Variants in PREP observed in about 807,000 individuals in gnomAD.
PREP encodes dJ355L5.1 (prolyl endopeptidase).
In PREP, 29 loss-of-function variants were observed where a neutral mutation model predicts 87.6. The observed-to-expected ratio is 0.33, with a 90% CI of 0.25 to 0.45. The LOEUF (loss-of-function observed/expected upper bound fraction) is 0.45. Ranked by LOEUF, PREP falls within the 20% of genes least tolerant of loss-of-function variation. PREP has a pLI of 1.00. For synonymous variants in PREP, 337 were observed against 328.6 expected, an observed-to-expected ratio of 1.03 and a Z score of -0.28; for missense variants, 695 against 886.5, an observed-to-expected ratio of 0.78 and a Z score of 2.74.
intron 10 of PREP, among the ~76,000 whole-genome samples, chr6:105,300,823 G>C (rs888743549): frequency 2.0e-5 from 3 of 151,106 alleles, no homozygotes; most frequent in African/African-American, 7.3e-5. Flanking sequence ...ATGTAAATCT[G>C]ATTTCAAAAA....
intron 9 of PREP, among the ~76,000 whole-genome samples, chr6:105,326,083 G>T (rs1331585225): frequency 6.6e-6 from 1 of 152,190 alleles, no homozygotes; most frequent in South Asian, 2.1e-4. Context: ...AACCCATGGA[G>T]ATTTTGTTTT....
intron 6 of PREP, among the ~76,000 whole-genome samples, chr6:105,355,205 C>T (rs1229297353): frequency 6.6e-6 from 1 of 151,478 alleles, no homozygotes; most frequent in Non-Finnish European, 1.5e-5. Flanking sequence ...CCTGCCTCAG[C>T]CTCCCGAGTA....
chr6:105,353,548 GAT>G (rs1199446055), intron 6 of PREP, among the ~76,000 whole-genome samples: 5 of 151,978 alleles, frequency 3.3e-5, no homozygotes, highest in Non-Finnish European at 5.9e-5. Context: ...AGTGGGGGTG[GAT>G]CACCTGAGGT....
chr6:105,353,027 A>G lies in PREP; in HGVS notation c.768T>C (p.Asp256=), dbSNP rs767877673. 1.2e-6 allele frequency: 2 copies of G among 1,614,106 alleles called. No individual in the cohort carries two copies. The highest frequency in any genetic ancestry group is 1.7e-6 in the Non-Finnish European group (2 of 1,179,982). Residue 256 remains aspartate (D), a synonymous_variant, in exon 7 of 15, where the codon GAT becomes GAC. Coordinates refer to ENST00000652536, the MANE Select transcript of PREP (RefSeq NM_002726.5). ...YVLLSIREGC[D]PVNRLWYCDL... is the part of the protein sequence containing the mutation. ...CACAGTACCAGAGTCGGTTTACTGG[A>G]TCACATCCTTCCCTTATTGATAACA...
chr6:105,388,131 G>A (rs1283323582), intron 2 of PREP, among the ~76,000 whole-genome samples: 2 of 152,140 alleles, frequency 1.3e-5, no homozygotes, highest in Non-Finnish European at 2.9e-5. Context: ...TAGCTGTGCT[G>A]CCACTACAGA....
At chr6:105,370,168 C>G (rs570754464) in intron 5 of PREP, among the ~76,000 whole-genome samples, 1 of 151,602 alleles carries the variant, frequency 6.6e-6, no homozygotes, top group African/African-American at 2.4e-5. Flanking sequence ...ACAAGAATTG[C>G]TTGAACCCGG....
At chr6:105,284,372 A>T (rs1242480222) in intron 12 of PREP, among the ~76,000 whole-genome samples, 1 of 152,108 alleles carries the variant, frequency 6.6e-6, no homozygotes, top group Non-Finnish European at 1.5e-5. Flanking sequence ...GGTACCTAAC[A>T]GGTACTTAAT....
chr6:105,367,702 A>G (rs934465754), intron 6 of PREP, among the ~76,000 whole-genome samples: 5 of 152,174 alleles, frequency 3.3e-5, no homozygotes, highest in African/African-American at 1.2e-4. Flanking sequence ...AAACGGACAA[A>G]TTTTAGGGTA....
At position 105,345,305 on chromosome 6, in the gene PREP, T is replaced by C. The variant is rs1024136027; in HGVS notation, c.823+7667A>G. Among the ~76,000 whole-genome samples the C allele has an allele frequency of 7.2e-5, 11 of 152,348 alleles. No individual in the cohort carries two copies. The East Asian group carries it at 1.9e-3, about 27-fold the overall frequency. Reference sequence around the variant, plus strand: ...CTCTGAGGTTCTTTTGTCTATAAAGTGGCATTATTCACTCTGAAGCCAAAA... The same window carrying C: ...CTCTGAGGTTCTTTTGTCTATAAAGCGGCATTATTCACTCTGAAGCCAAAA... On this transcript the variant is annotated intron_variant, in intron 7 of 14. Transcript: ENST00000652536.
At chr6:105,377,224 C>T (rs1453630755) in intron 3 of PREP, among the ~76,000 whole-genome samples, 162 bp downstream of exon 3, 1 of 152,000 alleles carries the variant, frequency 6.6e-6, no homozygotes, top group Non-Finnish European at 1.5e-5. Context: ...TTGGACAATA[C>T]CTAATAGATC....
chr6:105,338,785 C>G (rs4478445), intron 7 of PREP, among the ~76,000 whole-genome samples: 1 of 152,142 alleles, frequency 6.6e-6, no homozygotes, highest in Non-Finnish European at 1.5e-5. Context: ...GAGCCTTGCT[C>G]GCTGCTAGCA....
chr6:105,376,125 C>G lies in PREP; in HGVS notation c.385G>C (p.Gly129Arg). 6.2e-7 allele frequency: 1 copy of G among 1,612,780 alleles called. No individual in the cohort carries two copies. Among genetic ancestry groups the G allele is most frequent in the Non-Finnish European group, 8.5e-7 (1 of 1,179,354 alleles). ...LSDDGTVALRGYAFSEDGEYF... is the reference protein window; with the variant it reads ...LSDDGTVALRRYAFSEDGEYF... Reference sequence around the variant, plus strand: ...ACGGGCCTCTCTGTGTAGCACTTACCTCGGAGTGCCACTGTGCCATCGTCA... The same window carrying G: ...ACGGGCCTCTCTGTGTAGCACTTACGTCGGAGTGCCACTGTGCCATCGTCA... Residue 129 changes from glycine to arginine, a missense_variant and splice_region_variant, in exon 4 of 15, where the codon GGT becomes CGT. Physicochemically the swap from Gly to Arg is moderately radical, Grantham distance 125. Around this residue, in one of 5 missense-constraint regions of PREP, gnomAD observed 517 missense variants for 620.3 expected, o/e 0.83. Coordinates refer to ENST00000652536, the MANE Select transcript of PREP (RefSeq NM_002726.5).
chr6:105,378,804 A>G (rs555904867), intron 2 of PREP, among the ~76,000 whole-genome samples: 2 of 152,356 alleles, frequency 1.3e-5, no homozygotes, highest in South Asian at 4.1e-4. Context: ...AATTAAGACC[A>G]TAATATACTT....
At chr6:105,381,687 T>C (rs908153611) in intron 2 of PREP, among the ~76,000 whole-genome samples, 1 of 152,116 alleles carries the variant, frequency 6.6e-6, no homozygotes, top group Non-Finnish European at 1.5e-5. Flanking sequence ...TAGCAAAGAG[T>C]AGCTGCTCAA....
chr6:105,402,851 G>A lies in PREP; in HGVS notation c.41C>T (p.Thr14Ile), dbSNP rs1186844960. 8 of 1,545,228 alleles carry A rather than the reference G, an allele frequency of 5.2e-6. No individual in the cohort carries two copies. Among genetic ancestry groups the A allele is most frequent in the Non-Finnish European group, 7.0e-6 (8 of 1,143,986 alleles). Residue 14 changes from threonine to isoleucine, a missense_variant, in exon 1 of 15, where the codon ACC (threonine) becomes ATC (isoleucine). Coordinates refer to ENST00000652536, the MANE Select transcript of PREP (RefSeq NM_002726.5). ...LQYPDVYRDE[T>I]AVQDYHGHKI... ...GGCGGAGGCAGAGATACTTACGGCGGTCTCGTCGCGGTACACGTCGGGGTA... is the reference window on the plus strand; with the variant it reads ...GGCGGAGGCAGAGATACTTACGGCGATCTCGTCGCGGTACACGTCGGGGTA...
intron 12 of PREP, among the ~76,000 whole-genome samples, 163 bp downstream of exon 12, chr6:105,285,323 A>AG (rs767225206): frequency 4.6e-5 from 7 of 152,220 alleles, no homozygotes; most frequent in African/African-American, 1.7e-4. Flanking sequence ...GTTGTTTTTA[A>AG]GGGGGGAGTG....
At chr6:105,344,612 T>C (rs1055497029) in intron 7 of PREP, among the ~76,000 whole-genome samples, 6 of 151,094 alleles carry the variant, frequency 4.0e-5, no homozygotes, top group Non-Finnish European at 2.9e-5. Flanking sequence ...TTCTCACTCA[T>C]AGGTGGGAAC....
intron 7 of PREP, among the ~76,000 whole-genome samples, chr6:105,333,923 T>C (rs1291439763): frequency 6.6e-6 from 1 of 152,120 alleles, no homozygotes; most frequent in Admixed American, 6.5e-5. Flanking sequence ...CATCTGAAAA[T>C]GTCTGGAGAC....
At chr6:105,294,004 A>G (rs534854525) in intron 10 of PREP, among the ~76,000 whole-genome samples, 1 of 152,300 alleles carries the variant, frequency 6.6e-6, no homozygotes, top group South Asian at 2.1e-4. Context: ...CTTTTCTTTA[A>G]GAGGCTTTGG....
Sources: gnomAD v4.1 joint callset for allele counts (sites outside exome capture counted in the v4.1 genomes callset) on GRCh38, gnomAD v4.1.1 for gene constraint, gnomAD v4.1.1 regional missense constraint, MANE v1.5 for transcripts, NCBI Gene and HGNC (gene_info 2026-07-23, HGNC 2026-07-21) for gene names.